The following SLC14A2 variants were observed in gnomAD, a reference collection of about 807,000 sequenced individuals.
SLC14A2 encodes urea transporter 2.
SLC14A2 carries 91 observed loss-of-function variants against 104.6 expected under a neutral mutation model. The observed-to-expected ratio is 0.87, with a 90% CI of 0.73 to 1.04. SLC14A2 has a LOEUF of 1.04. Among genes scored for constraint, SLC14A2 ranks in the 50% least tolerant of loss-of-function variants. The pLI, the probability that SLC14A2 is intolerant of heterozygous loss-of-function variation, is 0.00. For synonymous variants in SLC14A2, 476 were observed against 466.4 expected (o/e 1.02, Z -0.27); for missense variants, 1,189 against 1,156.0 (o/e 1.03, Z -0.41).
chr18:45,190,967 G>T, the SLC14A2 span, among the ~76,000 whole-genome samples: 1 of 152,018 alleles, frequency 6.6e-6, no homozygotes, highest in East Asian at 1.9e-4. Context: ...TTCCAGGTAG[G>T]GCATTTTGGC....
At chr18:45,320,807 A>AT (rs1231590463) in intron 1 of SLC14A2, among the ~76,000 whole-genome samples, 1 of 152,282 alleles carries the variant, frequency 6.6e-6, no homozygotes, top group Non-Finnish European at 1.5e-5. Context: ...ACCCCCCAAA[A>AT]TTCAGTGGTC....
chr18:45,227,372 C>T (rs571347753), intron 1 of SLC14A2, among the ~76,000 whole-genome samples: 1 of 152,312 alleles, frequency 6.6e-6, no homozygotes, highest in South Asian at 2.1e-4. Context: ...GCTGTTATAA[C>T]AGAATACCAC....
intron 1 of SLC14A2, among the ~76,000 whole-genome samples, chr18:45,216,870 C>T (rs568304347): frequency 8.5e-5 from 13 of 152,260 alleles, no homozygotes; most frequent in Middle Eastern, 6.8e-3. Flanking sequence ...TGGGGACATC[C>T]ACACAAAATC....
intron 1 of SLC14A2, among the ~76,000 whole-genome samples, chr18:45,391,415 A>T (rs1002686402): frequency 6.6e-6 from 1 of 152,184 alleles, no homozygotes; most frequent in Non-Finnish European, 1.5e-5. Flanking sequence ...AAGCAGCATG[A>T]TTTATAATCC....
intron 1 of SLC14A2, among the ~76,000 whole-genome samples, chr18:45,443,221 G>A (rs2086709009): frequency 6.6e-6 from 1 of 152,202 alleles, no homozygotes; most frequent in South Asian, 2.1e-4. Flanking sequence ...ACTAATAGGA[G>A]AAGAGGCATA....
intron 1 of SLC14A2, among the ~76,000 whole-genome samples, chr18:45,326,593 A>G (rs2085236755): frequency 6.6e-6 from 1 of 152,202 alleles, no homozygotes; most frequent in Non-Finnish European, 1.5e-5. Context: ...AGAGAGGCTA[A>G]TGGAACTATG....
intron 7 of SLC14A2, among the ~76,000 whole-genome samples, chr18:45,640,356 G>A (rs1161226352): frequency 1.3e-5 from 2 of 152,128 alleles, no homozygotes. Context: ...TGGAGCTGAG[G>A]ATGCTGGAGA....
At chr18:45,392,004 G>A (rs1568179840) in intron 1 of SLC14A2, among the ~76,000 whole-genome samples, 1 of 152,192 alleles carries the variant, frequency 6.6e-6, no homozygotes, top group Admixed American at 6.5e-5. Flanking sequence ...CCTTGCCCAT[G>A]CCTATGTCCA....
chr18:45,243,082 C>A (rs916507831), intron 1 of SLC14A2, among the ~76,000 whole-genome samples: 2 of 152,082 alleles, frequency 1.3e-5, no homozygotes, highest in African/African-American at 4.8e-5. Flanking sequence ...TTAATTTGGC[C>A]TTTTGGGCCT....
chr18:45,404,975 G>C (rs1449268961), intron 1 of SLC14A2, among the ~76,000 whole-genome samples: 1 of 152,172 alleles, frequency 6.6e-6, no homozygotes, highest in Non-Finnish European at 1.5e-5. Context: ...GCCCTGAGGT[G>C]CAAAGTCCTC....
At chr18:45,522,293 G>A (rs919437707) in intron 2 of SLC14A2, among the ~76,000 whole-genome samples, 1 of 152,188 alleles carries the variant, frequency 6.6e-6, no homozygotes, top group Non-Finnish European at 1.5e-5. Context: ...ATCCAAAACA[G>A]CTAAGCCCTA....
At chr18:45,506,700 GCATGGCCCTGC>G (rs2043292036) in intron 2 of SLC14A2, among the ~76,000 whole-genome samples, 1 of 152,194 alleles carries the variant, frequency 6.6e-6, no homozygotes. Context: ...TCCACAGGGA[GCATGGCCCTGC>G]CAACACCTTA....
intron 1 of SLC14A2, among the ~76,000 whole-genome samples, chr18:45,261,698 A>G (rs1441176906): frequency 2.6e-5 from 4 of 151,414 alleles, no homozygotes; most frequent in African/African-American, 4.9e-5. Flanking sequence ...TGAGAATGAT[A>G]ATTTCCAATT....
At chr18:45,402,246 CAA>C (rs35692617) in intron 1 of SLC14A2, among the ~76,000 whole-genome samples, 30 of 151,318 alleles carry the variant, frequency 2.0e-4, no homozygotes, top group South Asian at 1.0e-3. Flanking sequence ...TTTCCTCCTG[CAA>C]AAAAAAGTTT....
chr18:45,317,355 G>T (rs2085140013), intron 1 of SLC14A2, among the ~76,000 whole-genome samples: 1 of 152,202 alleles, frequency 6.6e-6, no homozygotes, highest in African/African-American at 2.4e-5. Flanking sequence ...TGTTCTCAAA[G>T]AGCTTAAGGG....
chr18:45,559,994 G>C (rs909495595), intron 2 of SLC14A2, among the ~76,000 whole-genome samples: 3 of 152,126 alleles, frequency 2.0e-5, no homozygotes, highest in Admixed American at 6.5e-5. Context: ...CCTGGGTGTG[G>C]CCCAAGTCCC....
chr18:45,175,890 T>C, the SLC14A2 span, among the ~76,000 whole-genome samples: 2 of 152,176 alleles, frequency 1.3e-5, no homozygotes, highest in African/African-American at 4.8e-5. Context: ...TAGCTCTGTC[T>C]GTTATAAGGG....
intron 1 of SLC14A2, among the ~76,000 whole-genome samples, chr18:45,261,615 G>A (rs1243051812): frequency 6.6e-6 from 1 of 151,062 alleles, no homozygotes; most frequent in Non-Finnish European, 1.5e-5. Context: ...GTGTCCATGT[G>A]TTCTCATTGT....
the SLC14A2 span, among the ~76,000 whole-genome samples, chr18:45,190,833 G>A: frequency 2.6e-5 from 4 of 152,274 alleles, no homozygotes; most frequent in South Asian, 6.2e-4. Flanking sequence ...AGCACTCAGA[G>A]GTGGGCAATA....
Sources: allele counts gnomAD v4.1 joint callset (sites outside exome capture counted in the v4.1 genomes callset), GRCh38; gene constraint gnomAD v4.1.1; transcripts MANE v1.5; gene names NCBI Gene and HGNC (gene_info 2026-07-23, HGNC 2026-07-21).